Variants in ELP4 observed in about 807,000 individuals in gnomAD.
ELP4 encodes elongator acetyltransferase complex subunit 4.
A neutral mutation model predicts 48.9 loss-of-function variants in ELP4; 51 were observed. That is an observed-to-expected ratio of 1.04 (90% CI 0.83 to 1.32). ELP4 has a LOEUF of 1.32. ELP4 is among the 40% of genes most tolerant of loss of function. The probability of loss-of-function intolerance (pLI) is 0.00; values close to 1 mark genes in which losing one functional copy is unlikely to be tolerated. For synonymous variants in ELP4, 210 were observed against 189.2 expected (o/e 1.11, Z -0.90); for missense variants, 519 against 514.6 (o/e 1.01, Z -0.08).
At chr11:31,534,083 G>A (rs1422735612) in intron 2 of ELP4, among the ~76,000 whole-genome samples, 1 of 152,066 alleles carries the variant, frequency 6.6e-6, no homozygotes. Context: ...TGATCCGCCC[G>A]CCTCGGCCTC....
chr11:31,709,852 C>T (rs904748495), intron 9 of ELP4, among the ~76,000 whole-genome samples: 3 of 151,948 alleles, frequency 2.0e-5, no homozygotes, highest in South Asian at 2.1e-4. Context: ...TGTCAAATAC[C>T]AATTTAAGAT....
intron 9 of ELP4, among the ~76,000 whole-genome samples, chr11:31,729,819 G>A (rs531451123): frequency 2.6e-5 from 4 of 152,152 alleles, no homozygotes; most frequent in Admixed American, 6.5e-5. Context: ...GCTTGTCTAC[G>A]TATAATTCAG....
chr11:31,783,694 C>A lies in ELP4; in HGVS notation c.*170C>A. 1 of 567,952 alleles carries A rather than the reference C, an allele frequency of 1.8e-6. No homozygotes were observed. The highest frequency in any genetic ancestry group is 2.9e-6 in the Non-Finnish European group (1 of 340,316). 35.2% of individuals were successfully genotyped at this position (567,952 alleles called of 1,614,324 possible). A position where few individuals can be genotyped will look rare whatever the true frequency, so the allele number is the denominator to read the frequency against. ...TTTTTAACTTTTTACAGAACTAGCA[C>A]AGCAGAAATACTTTTAAATTTTTCC... On this transcript the variant is annotated 3_prime_UTR_variant, in exon 10 of 10. Transcript: ENST00000640961.
chr11:31,581,218 C>T (rs1279650045), intron 3 of ELP4, among the ~76,000 whole-genome samples: 1 of 152,136 alleles, frequency 6.6e-6, no homozygotes, highest in Non-Finnish European at 1.5e-5. Flanking sequence ...GTTATTCTGG[C>T]ACTTTCCTTT....
intron 9 of ELP4, among the ~76,000 whole-genome samples, chr11:31,751,938 C>T (rs1449038699): frequency 1.3e-5 from 2 of 152,056 alleles, no homozygotes; most frequent in Non-Finnish European, 2.9e-5. Flanking sequence ...ACAAAATCTA[C>T]ATAACTTTAT....
intron 9 of ELP4, among the ~76,000 whole-genome samples, chr11:31,704,633 TAATAAA>T (rs1946592566): frequency 6.6e-6 from 1 of 151,964 alleles, no homozygotes; most frequent in Admixed American, 6.6e-5. Flanking sequence ...ACTTAAAGTA[TAATAAA>T]AATAAAAAAA....
At chr11:31,514,200 T>C (rs1179937422) in intron 1 of ELP4, among the ~76,000 whole-genome samples, 1 of 152,212 alleles carries the variant, frequency 6.6e-6, no homozygotes, top group East Asian at 1.9e-4. Context: ...AGCTCACACT[T>C]ATAATCCCAG....
At chr11:31,621,750 A>ATTTAGTTTT in intron 5 of ELP4, among the ~76,000 whole-genome samples, 1 of 151,832 alleles carries the variant, frequency 6.6e-6, no homozygotes, top group African/African-American at 2.4e-5. Context: ...CTCTTCCTAA[A>ATTTAGTTTT]ACTATGCACC....
chr11:31,519,440 A>G (rs77234744), intron 1 of ELP4, among the ~76,000 whole-genome samples: 4,032 of 152,268 alleles, frequency 0.026, 168 homozygotes, highest in African/African-American at 0.091. Context: ...TAAATATAAC[A>G]TTATTGGAGT....
chr11:31,784,137 T>C lies in ELP4; in HGVS notation c.*613T>C, dbSNP rs1245284893. On this transcript the variant is annotated 3_prime_UTR_variant, in exon 10 of 10. Coordinates refer to ENST00000640961, the MANE Select transcript of ELP4 (RefSeq NM_019040.5). ...ATAGAAAAAAGAAGTGGATGGTCTT[T>C]AGTTTAGTAATCCTAAACAATTGAA... 1 of 152,138 alleles carries C rather than the reference T, an allele frequency of 6.6e-6. No individual in the cohort carries two copies. The allele number at this position is 152,138 out of a possible 1,614,324, so 9.4% of individuals were successfully genotyped here.
chr11:31,625,134 A>G (rs1297506720), intron 5 of ELP4, among the ~76,000 whole-genome samples: 2 of 151,718 alleles, frequency 1.3e-5, no homozygotes, highest in African/African-American at 2.4e-5. Context: ...ACATAATTAT[A>G]TGTGCTGTAC....
intron 5 of ELP4, among the ~76,000 whole-genome samples, chr11:31,607,625 G>A (rs1957900392): frequency 6.6e-6 from 1 of 152,072 alleles, no homozygotes; most frequent in South Asian, 2.1e-4. Context: ...AATTTTGTAG[G>A]GTACACTTTC....
At chr11:31,609,846 G>T (rs1021014357) in intron 5 of ELP4, among the ~76,000 whole-genome samples, 1 of 151,940 alleles carries the variant, frequency 6.6e-6, no homozygotes, top group Admixed American at 6.6e-5. Flanking sequence ...GACCAGCCTG[G>T]GCAACATAGT....
At chr11:31,638,327 G>C (rs1945023202) in intron 7 of ELP4, among the ~76,000 whole-genome samples, 1 of 151,646 alleles carries the variant, frequency 6.6e-6, no homozygotes, top group Non-Finnish European at 1.5e-5. Flanking sequence ...AAACTATTTA[G>C]CTTTCCTTTA....
intron 9 of ELP4, among the ~76,000 whole-genome samples, chr11:31,778,076 C>T (rs1472457468): frequency 2.6e-5 from 4 of 152,154 alleles, no homozygotes; most frequent in East Asian, 3.8e-4. Context: ...TTTTAAAACT[C>T]GAGTGGGAAA....
chr11:31,572,789 C>T (rs1242596929), intron 3 of ELP4, among the ~76,000 whole-genome samples: 2 of 152,090 alleles, frequency 1.3e-5, no homozygotes, highest in Non-Finnish European at 2.9e-5. Flanking sequence ...CACTTGAGGC[C>T]AGGAGTTAAG....
At chr11:31,648,229 A>G (rs111705579) in intron 8 of ELP4, 172 of 155,552 alleles carry the variant, frequency 1.1e-3, no homozygotes, top group Admixed American at 1.8e-3. Context: ...TAGCCATATG[A>G]TAAGATACAT....
chr11:31,722,005 C>A (rs1376382235), intron 9 of ELP4, among the ~76,000 whole-genome samples: 1 of 152,120 alleles, frequency 6.6e-6, no homozygotes, highest in African/African-American at 2.4e-5. Flanking sequence ...AATACACAGC[C>A]CTGTGGCCAG....
chr11:31,608,826 G>A (rs146597921), intron 5 of ELP4, among the ~76,000 whole-genome samples: 2 of 152,110 alleles, frequency 1.3e-5, no homozygotes, highest in Admixed American at 1.3e-4. Context: ...GGGTAAGTGG[G>A]TGCTAAAAAT....
Sources: gnomAD v4.1 joint callset for allele counts (sites outside exome capture counted in the v4.1 genomes callset) on GRCh38, gnomAD v4.1.1 for gene constraint, MANE v1.5 for transcripts, NCBI Gene and HGNC (gene_info 2026-07-23, HGNC 2026-07-21) for gene names.